The following ASIC2 variants were observed in gnomAD, a reference collection of about 807,000 sequenced individuals.
ASIC2 encodes acid sensing ion channel subunit 2.
In ASIC2, 25 loss-of-function variants were observed where a neutral mutation model predicts 57.3. That is an observed-to-expected ratio of 0.44 (90% CI 0.32 to 0.61). The LOEUF (loss-of-function observed/expected upper bound fraction) is 0.61, where lower values mean the gene tolerates loss of function less well. ASIC2 is among the 20% of genes least tolerant of loss of function. The pLI is 0.06. For missense variants in ASIC2, 641 were observed against 738.1 expected (o/e 0.87, Z 1.52); for synonymous variants, 319 against 307.5 (o/e 1.04, Z -0.39).
At chr17:33,579,193 G>A (rs528318744) in intron 1 of ASIC2, among the ~76,000 whole-genome samples, 17 of 151,300 alleles carry the variant, frequency 1.1e-4, no homozygotes, top group African/African-American at 7.3e-5. Flanking sequence ...GGCTGAGGCA[G>A]GAGAATCGCT....
intron 1 of ASIC2, among the ~76,000 whole-genome samples, chr17:33,864,363 T>C (rs1333488989): frequency 1.3e-5 from 2 of 152,098 alleles, no homozygotes; most frequent in Non-Finnish European, 2.9e-5. Flanking sequence ...GAACAAATCA[T>C]GAAAGTGTGG....
intron 1 of ASIC2, among the ~76,000 whole-genome samples, chr17:33,203,548 G>A (rs1906957362): frequency 6.6e-6 from 1 of 152,184 alleles, no homozygotes; most frequent in African/African-American, 2.4e-5. Context: ...TGAGGCTGGA[G>A]TATCTACTCC....
At position 33,561,272 on chromosome 17, in the gene ASIC2, G is replaced by A. The variant is rs73983984; in HGVS notation, c.556-449205C>T. Among the ~76,000 whole-genome samples, 1,514 of 152,172 alleles carry A rather than the reference G, an allele frequency of 9.9e-3. 24 individuals are homozygous for A. Among genetic ancestry groups the A allele is most frequent in the African/African-American group, 0.035 (1,445 of 41,504 alleles). On this transcript the variant is annotated intron_variant, in intron 1 of 9. Transcript: ENST00000359872. ...AAATTCCAGCTTTATCCTGGAGTCC[G>A]GAAGGCACAGGTATAACATCCATGC...
At chr17:34,109,481 G>T (rs1186681243) in intron 1 of ASIC2, among the ~76,000 whole-genome samples, 1 of 152,022 alleles carries the variant, frequency 6.6e-6, no homozygotes, top group Non-Finnish European at 1.5e-5. Flanking sequence ...TAGAATATGA[G>T]AATCATCTGT....
At position 34,075,867 on chromosome 17, in the gene ASIC2, C is replaced by T. The variant is rs556358144; in HGVS notation, c.555+80111G>A. ...TTTTTTTGAGACAGAGTCTTGCTGT[C>T]GCTCCGGCTGGAGTGCAATGGCGCC... On this transcript the variant is annotated intron_variant, in intron 1 of 9. Transcript: ENST00000359872. Among the ~76,000 whole-genome samples the T allele has an allele frequency of 5.1e-4, 67 of 131,896 alleles. 1 individual carries two copies. The South Asian group carries it at 6.9e-3, about 14-fold the overall frequency. 86.5% of individuals were successfully genotyped at this position (131,896 alleles called of 152,430 possible). A position where few individuals can be genotyped will look rare whatever the true frequency, so the allele number is the denominator to read the frequency against.
chr17:33,518,282 T>G (rs1170029438), intron 1 of ASIC2, among the ~76,000 whole-genome samples: 1 of 152,220 alleles, frequency 6.6e-6, no homozygotes, highest in Non-Finnish European at 1.5e-5. Flanking sequence ...TTGATAGCCA[T>G]GGCGTTTGAA....
chr17:33,912,610 G>A (rs1915492131), intron 1 of ASIC2, among the ~76,000 whole-genome samples: 1 of 152,264 alleles, frequency 6.6e-6, no homozygotes, highest in African/African-American at 2.4e-5. Flanking sequence ...GGAGTCCTGT[G>A]TGAAACCTCT....
intron 1 of ASIC2, among the ~76,000 whole-genome samples, chr17:33,501,177 G>A (rs1007828978): frequency 5.3e-5 from 8 of 152,216 alleles, no homozygotes; most frequent in African/African-American, 1.9e-4. Flanking sequence ...GATGCTGAGT[G>A]CTGTTAATGG....
At chr17:33,815,790 G>A (rs1371288689) in intron 1 of ASIC2, among the ~76,000 whole-genome samples, 1 of 152,082 alleles carries the variant, frequency 6.6e-6, no homozygotes, top group East Asian at 1.9e-4. Flanking sequence ...AGTGTTCCTA[G>A]AATGCATCTA....
intron 1 of ASIC2, among the ~76,000 whole-genome samples, chr17:33,309,354 C>A (rs763448052): frequency 6.6e-6 from 1 of 152,108 alleles, no homozygotes; most frequent in Admixed American, 6.5e-5. Context: ...TCGGTAGATT[C>A]AATATTTCAA....
chr17:33,155,379 G>T (rs1904961845), intron 1 of ASIC2, among the ~76,000 whole-genome samples: 1 of 152,216 alleles, frequency 6.6e-6, no homozygotes, highest in Non-Finnish European at 1.5e-5. Context: ...GAGCATCTGT[G>T]CAGGGAATCC....
At chr17:34,099,162 G>GAGAGAGAA (rs1910688533) in intron 1 of ASIC2, among the ~76,000 whole-genome samples, 1 of 41,916 alleles carries the variant, frequency 2.4e-5, no homozygotes, top group Non-Finnish European at 5.4e-5. Flanking sequence ...GAGAGAGAGA[G>GAGAGAGAA]AGAAAGAAAG....
At chr17:34,025,732 C>A (rs1597980054) in intron 1 of ASIC2, among the ~76,000 whole-genome samples, 1 of 152,158 alleles carries the variant, frequency 6.6e-6, no homozygotes, top group African/African-American at 2.4e-5. Flanking sequence ...GGGCCTTGAG[C>A]CAACCACTTA....
intron 1 of ASIC2, among the ~76,000 whole-genome samples, chr17:33,503,389 A>C (rs1023665441): frequency 6.6e-6 from 1 of 152,150 alleles, no homozygotes; most frequent in African/African-American, 2.4e-5. Context: ...AGGGGTTAAG[A>C]TTATCCTGAT....
intron 1 of ASIC2, among the ~76,000 whole-genome samples, chr17:33,876,848 C>T (rs78259449): frequency 7.2e-5 from 11 of 152,144 alleles, no homozygotes; most frequent in Non-Finnish European, 1.0e-4. Flanking sequence ...CAGCTTCCCT[C>T]GAAATGTTCC....
In ASIC2 at chr17:33,489,686, C is replaced by T. The variant is rs148835326; in HGVS notation, c.556-377619G>A. On this transcript the variant is annotated intron_variant, in intron 1 of 9. Transcript: ENST00000359872. The stretch of plus-strand genomic sequence containing the variant: ...TCCAGCTGAAACTAGATTTGCTCTA[C>T]CTGTTCACAAAAATGAACTTCCAGG... 6.9e-4 allele frequency among the ~76,000 whole-genome samples: 105 copies of T among 152,344 alleles called. 1 individual carries two copies. Among genetic ancestry groups the T allele is most frequent in the African/African-American group, 2.5e-3 (102 of 41,580 alleles).
At chr17:33,217,659 C>G (rs1907546779) in intron 1 of ASIC2, among the ~76,000 whole-genome samples, 1 of 152,202 alleles carries the variant, frequency 6.6e-6, no homozygotes, top group Non-Finnish European at 1.5e-5. Context: ...TAACTCCAGT[C>G]AGAGCTGAAT....
At chr17:33,840,520 C>T (rs760628505) in intron 1 of ASIC2, among the ~76,000 whole-genome samples, 4 of 152,160 alleles carry the variant, frequency 2.6e-5, no homozygotes, top group South Asian at 2.1e-4. Context: ...GAGATGTTCC[C>T]GCTCTCCATG....
intron 1 of ASIC2, among the ~76,000 whole-genome samples, chr17:33,982,311 C>A (rs1446584315): frequency 6.6e-6 from 1 of 152,174 alleles, no homozygotes; most frequent in East Asian, 1.9e-4. Flanking sequence ...TTAACTGGTC[C>A]CTGCTTCCTG....
Sources: allele counts gnomAD v4.1 joint callset (sites outside exome capture counted in the v4.1 genomes callset), GRCh38; gene constraint gnomAD v4.1.1; transcripts MANE v1.5; gene names NCBI Gene and HGNC (gene_info 2026-07-23, HGNC 2026-07-21).